PDE4D: variants seen among roughly 807,000 people sequenced by gnomAD.
PDE4D encodes phosphodiesterase 4D, also known as 3',5'-cyclic-AMP phosphodiesterase 4D.
A neutral mutation model predicts 87.4 loss-of-function variants in PDE4D; 24 were observed. That is an observed-to-expected ratio of 0.27 (90% CI 0.20 to 0.39). The LOEUF (loss-of-function observed/expected upper bound fraction) is 0.39. Among genes scored for constraint, PDE4D ranks in the 10% least tolerant of loss-of-function variants. The pLI, the probability that PDE4D is intolerant of heterozygous loss-of-function variation, is 1.00. For synonymous variants in PDE4D, 384 were observed against 383.2 expected (o/e 1.00, Z -0.02); for missense variants, 714 against 1,041.0 (o/e 0.69, Z 4.32).
chr5:58,984,121 T>C (rs954712058), intron 11 of PDE4D, among the ~76,000 whole-genome samples: 1 of 152,212 alleles, frequency 6.6e-6, no homozygotes, highest in Non-Finnish European at 1.5e-5. Context: ...GTCTCTAAGT[T>C]ACAACTGAAA....
At chr5:60,084,010 G>A (rs368164822) in intron 2 of PDE4D, among the ~76,000 whole-genome samples, 5 of 152,200 alleles carry the variant, frequency 3.3e-5, no homozygotes, top group East Asian at 3.9e-4. Context: ...GAACTGAGGC[G>A]TCTCTGGCTG....
chr5:60,034,592 A>G (rs1407184182), intron 2 of PDE4D, among the ~76,000 whole-genome samples: 1 of 152,092 alleles, frequency 6.6e-6, no homozygotes, highest in Non-Finnish European at 1.5e-5. Context: ...CCTTAAATTA[A>G]CCACATCTGC....
intron 2 of PDE4D, among the ~76,000 whole-genome samples, chr5:60,094,109 T>C (rs1370349265): frequency 1.3e-5 from 2 of 152,166 alleles, no homozygotes; most frequent in Non-Finnish European, 2.9e-5. Flanking sequence ...GGCAGCAAGA[T>C]GTAGAGTTGA....
intron 5 of PDE4D, chr5:59,039,230 C>T (rs1759159165): frequency 2.2e-5 from 27 of 1,247,952 alleles, no homozygotes; most frequent in Admixed American, 8.7e-5. Flanking sequence ...GTGCAAAGAG[C>T]GGCGAGCCAA....
chr5:60,128,001 C>T (rs1779257280), intron 2 of PDE4D, among the ~76,000 whole-genome samples: 1 of 152,044 alleles, frequency 6.6e-6, no homozygotes, highest in African/African-American at 2.4e-5. Context: ...GAGATAGTTG[C>T]AATACTGAAC....
At chr5:59,409,046 G>A (rs552094105) in intron 1 of PDE4D, among the ~76,000 whole-genome samples, 1 of 151,958 alleles carries the variant, frequency 6.6e-6, no homozygotes. Context: ...TACTCAGGAG[G>A]CTGAGACAGG....
intron 1 of PDE4D, among the ~76,000 whole-genome samples, chr5:60,457,711 T>C (rs1181212942): frequency 6.6e-6 from 1 of 152,200 alleles, no homozygotes; most frequent in Non-Finnish European, 1.5e-5. Flanking sequence ...ATTCTTATTC[T>C]AGTTCTAGTG....
At chr5:60,480,978 A>G (rs910055959) in intron 1 of PDE4D, among the ~76,000 whole-genome samples, 1 of 152,196 alleles carries the variant, frequency 6.6e-6, no homozygotes, top group Non-Finnish European at 1.5e-5. Context: ...AAATGGAGTT[A>G]TGGGAAAATT....
chr5:59,320,349 A>T lies in PDE4D; in HGVS notation c.456-104381T>A, dbSNP rs200177810. On this transcript the variant is annotated intron_variant, in intron 1 of 14. Coordinates refer to ENST00000340635, the MANE Select transcript of PDE4D (RefSeq NM_001104631.2). Reference sequence around the variant, plus strand: ...TCTGGAAACACAGGCTATACATAATATCAGGAAGGACATCTTCGGTCCGTT... The same window carrying T: ...TCTGGAAACACAGGCTATACATAATTTCAGGAAGGACATCTTCGGTCCGTT... 4.6e-5 allele frequency among the ~76,000 whole-genome samples: 7 copies of T among 152,142 alleles called. No individual in the cohort carries two copies. In the East Asian group the frequency reaches 1.4e-3, roughly 30 times the overall value.
At chr5:59,542,831 T>G (rs1044333956) in intron 1 of PDE4D, among the ~76,000 whole-genome samples, 1 of 152,120 alleles carries the variant, frequency 6.6e-6, no homozygotes, top group East Asian at 1.9e-4. Context: ...AAAGGCAGAC[T>G]ACAATATTTC....
chr5:59,697,129 G>T (rs887244478), intron 1 of PDE4D, among the ~76,000 whole-genome samples: 2 of 152,034 alleles, frequency 1.3e-5, no homozygotes, highest in African/African-American at 4.8e-5. Flanking sequence ...AGTAATTTGG[G>T]GTGAATCTAA....
chr5:60,161,822 A>G (rs903715200), intron 2 of PDE4D, among the ~76,000 whole-genome samples: 2 of 152,186 alleles, frequency 1.3e-5, no homozygotes, highest in African/African-American at 4.8e-5. Context: ...TCTATTTAGC[A>G]TTAGAGAGGA....
chr5:59,285,251 C>T (rs1412462713), intron 1 of PDE4D, among the ~76,000 whole-genome samples: 2 of 151,072 alleles, frequency 1.3e-5, no homozygotes, highest in African/African-American at 4.9e-5. Flanking sequence ...GAGGCTTCTG[C>T]ATCTTTGTAT....
intron 1 of PDE4D, among the ~76,000 whole-genome samples, chr5:59,706,410 A>T (rs948306603): frequency 6.6e-6 from 1 of 152,140 alleles, no homozygotes; most frequent in Non-Finnish European, 1.5e-5. Flanking sequence ...CCACAGACCT[A>T]CCTTCTTGAA....
intron 3 of PDE4D, among the ~76,000 whole-genome samples, chr5:59,909,309 G>A (rs891429864): frequency 8.5e-5 from 13 of 152,138 alleles, no homozygotes; most frequent in Non-Finnish European, 1.6e-4. Flanking sequence ...TTAACAGGGA[G>A]ATTATGCGTC....
chr5:59,324,184 G>C (rs1323930010), intron 1 of PDE4D, among the ~76,000 whole-genome samples: 2 of 152,192 alleles, frequency 1.3e-5, no homozygotes, highest in East Asian at 3.9e-4. Context: ...GCATGGCCAG[G>C]GGCCCTTCTT....
chr5:59,809,118 G>A (rs1321417342), intron 1 of PDE4D, among the ~76,000 whole-genome samples: 3 of 152,102 alleles, frequency 2.0e-5, no homozygotes, highest in East Asian at 1.9e-4. Context: ...TTTAAGTACC[G>A]TGCCTTAGTT....
intron 1 of PDE4D, among the ~76,000 whole-genome samples, chr5:59,834,662 A>C (rs2152701478): frequency 6.6e-6 from 1 of 152,188 alleles, no homozygotes; most frequent in Middle Eastern, 3.4e-3. Flanking sequence ...CTTTAGGCGA[A>C]GAAAGTGTTG....
chr5:60,320,885 G>C (rs1322097382), intron 1 of PDE4D, among the ~76,000 whole-genome samples: 1 of 152,042 alleles, frequency 6.6e-6, no homozygotes, highest in Non-Finnish European at 1.5e-5. Flanking sequence ...ACAAAACAAT[G>C]CTCAAAGAAA....
Sources: allele counts gnomAD v4.1 joint callset (sites outside exome capture counted in the v4.1 genomes callset), GRCh38; gene constraint gnomAD v4.1.1; transcripts MANE v1.5; gene names NCBI Gene and HGNC (gene_info 2026-07-23, HGNC 2026-07-21).